DAAM1: variants seen among roughly 807,000 people sequenced by gnomAD.
The protein encoded by DAAM1 is disheveled-associated activator of morphogenesis 1.
In DAAM1, 52 loss-of-function variants were observed where a neutral mutation model predicts 130.0. The observed-to-expected ratio is 0.40, with a 90% CI of 0.32 to 0.50. The LOEUF is 0.50. Ranked by LOEUF, DAAM1 falls within the 20% of genes least tolerant of loss-of-function variation. DAAM1 has a pLI of 0.61. For missense variants in DAAM1, 1,134 were observed against 1,303.8 expected, an observed-to-expected ratio of 0.87 and a Z score of 2.01; for synonymous variants, 452 against 444.5, an observed-to-expected ratio of 1.02 and a Z score of -0.21.
At chr14:59,310,813 C>T (rs1274652339) in intron 3 of DAAM1, among the ~76,000 whole-genome samples, 1 of 152,158 alleles carries the variant, frequency 6.6e-6, no homozygotes, top group Non-Finnish European at 1.5e-5. Flanking sequence ...CGTAACAGCA[C>T]ACATAGAGAT....
chr14:59,349,606 G>A (rs1886210549), intron 17 of DAAM1, among the ~76,000 whole-genome samples: 1 of 152,224 alleles, frequency 6.6e-6, no homozygotes, highest in African/African-American at 2.4e-5. Context: ...TCCGATTTAG[G>A]ATGTGCCTGG....
chr14:59,263,665 G>A lies in DAAM1; in HGVS notation c.183+5G>A. The A allele has an allele frequency of 6.2e-7, 1 of 1,613,792 alleles. No homozygotes were observed. The highest frequency in any genetic ancestry group is 1.7e-5 in the Admixed American group (1 of 59,982). ...GTCATGTTCAGTGAACTGGTGGTGA[G>A]TCCCAGTTTTCTATCCTGGCATTGG... On this transcript the variant is annotated splice_donor_5th_base_variant and intron_variant, in intron 2 of 24. Coordinates refer to ENST00000360909, the MANE Select transcript of DAAM1 (RefSeq NM_001270520.2).
Position 59,315,333 on chromosome 14 carries a change from G to A in DAAM1, c.327G>A (p.Gln109=). ...ATSWPEFYID[Q]LNSMAARKSL... ...GTTGGCCTGAATTCTACATTGATCA[G>A]CTCAATTCCATGGCTGCTGTAAGTA... The change falls in exon 4 of 25, where the codon CAG becomes CAA. Residue 109 remains glutamine, a synonymous_variant. Transcript: ENST00000360909. The A allele has an allele frequency of 6.2e-7, 1 of 1,613,950 alleles. No individual in the cohort carries two copies. Among genetic ancestry groups the A allele is most frequent in the Non-Finnish European group, 8.5e-7 (1 of 1,179,932 alleles).
intron 3 of DAAM1, among the ~76,000 whole-genome samples, chr14:59,305,909 A>C (rs934211156): frequency 5.9e-5 from 9 of 152,242 alleles, no homozygotes; most frequent in Non-Finnish European, 4.4e-5. Flanking sequence ...AGTTTGTGAT[A>C]TATGGAAAAT....
At chr14:59,211,248 C>T (rs1194134170) in intron 1 of DAAM1, among the ~76,000 whole-genome samples, 2 of 152,170 alleles carry the variant, frequency 1.3e-5, no homozygotes, top group Non-Finnish European at 2.9e-5. Flanking sequence ...TGTTTCCCAG[C>T]ACACTTTAGA....
chr14:59,341,354 A>G (rs534880056), intron 16 of DAAM1, among the ~76,000 whole-genome samples: 2 of 152,322 alleles, frequency 1.3e-5, no homozygotes, highest in Admixed American at 1.3e-4. Context: ...TCAGGAAGCC[A>G]CCACTTAAAA....
chr14:59,314,893 C>T (rs1404303230), intron 3 of DAAM1, among the ~76,000 whole-genome samples: 1 of 152,194 alleles, frequency 6.6e-6, no homozygotes, highest in Non-Finnish European at 1.5e-5. Context: ...CTGGCTGAAT[C>T]CTATGGTCAC....
intron 1 of DAAM1, among the ~76,000 whole-genome samples, chr14:59,251,241 T>C (rs1367330754): frequency 6.6e-6 from 1 of 152,246 alleles, no homozygotes; most frequent in Non-Finnish European, 1.5e-5. Flanking sequence ...TGAATGTATC[T>C]GCAGGTCAAA....
At chr14:59,217,648 G>C (rs1173535967) in intron 1 of DAAM1, among the ~76,000 whole-genome samples, 2 of 151,812 alleles carry the variant, frequency 1.3e-5, no homozygotes, top group Non-Finnish European at 2.9e-5. Flanking sequence ...GCCAACCTGG[G>C]CAAAATAGTG....
chr14:59,224,030 T>C (rs1019735989), intron 1 of DAAM1, among the ~76,000 whole-genome samples: 2 of 152,196 alleles, frequency 1.3e-5, no homozygotes, highest in African/African-American at 2.4e-5. Context: ...CACTAAATTA[T>C]GATGTGGGGC....
In DAAM1 at chr14:59,223,208, A is replaced by G. The variant is rs8004083; in HGVS notation, c.-38+34440A>G. On this transcript the variant is annotated intron_variant, in intron 1 of 24. Transcript: ENST00000360909. ...CATTTAACTTACTTGTGCCTTCAGG[A>G]TCTGCTTTCGCCTGATCGTGTATAT... is the stretch of plus-strand genomic sequence containing the variant. 9.1e-3 allele frequency among the ~76,000 whole-genome samples: 1,393 copies of G among 152,334 alleles called. 24 individuals carry two copies. The highest frequency in any genetic ancestry group is 0.032 in the African/African-American group (1,330 of 41,574).
chr14:59,252,052 TTTCAAC>T (rs1318443598), intron 1 of DAAM1, among the ~76,000 whole-genome samples: 11 of 152,200 alleles, frequency 7.2e-5, no homozygotes, highest in Non-Finnish European at 5.9e-5. Context: ...ACACTGTAAT[TTTCAAC>T]TCAGGACTCA....
At chr14:59,302,902 C>T (rs547554672) in intron 3 of DAAM1, among the ~76,000 whole-genome samples, 1 of 152,308 alleles carries the variant, frequency 6.6e-6, no homozygotes, top group Admixed American at 6.5e-5. Context: ...GATCTACCCG[C>T]CTTGGCCTCC....
rs561755855 is a variant in DAAM1, at chr14:59,341,006, T to A, written c.2075+826T>A. 1.3e-3 allele frequency among the ~76,000 whole-genome samples: 203 copies of A among 152,338 alleles called. 1 individual carries two copies. Among genetic ancestry groups the A allele is most frequent in the African/African-American group, 4.7e-3 (197 of 41,580 alleles). On this transcript the variant is annotated intron_variant, in intron 16 of 24. Coordinates refer to ENST00000360909, the MANE Select transcript of DAAM1 (RefSeq NM_001270520.2). ...AGGCTGGTATAAGGTGACTTCTTTT[T>A]CAGGGACTATGAAGAGAGGGAAAGT...
chr14:59,348,350 C>A (rs1886160371), intron 17 of DAAM1, among the ~76,000 whole-genome samples: 1 of 145,216 alleles, frequency 6.9e-6, no homozygotes, highest in Non-Finnish European at 1.6e-5. Context: ...GGCTGTTTGG[C>A]ATCTTTGTCT....
At chr14:59,309,627 C>T (rs1208808221) in intron 3 of DAAM1, among the ~76,000 whole-genome samples, 1 of 152,214 alleles carries the variant, frequency 6.6e-6, no homozygotes, top group Non-Finnish European at 1.5e-5. Flanking sequence ...TCTTACTACA[C>T]AACAGCAGAG....
chr14:59,299,129 A>G (rs1459681934), intron 3 of DAAM1, among the ~76,000 whole-genome samples: 1 of 152,228 alleles, frequency 6.6e-6, no homozygotes, highest in African/African-American at 2.4e-5. Flanking sequence ...AAGCCTTTCA[A>G]TCTAGGTATC....
At chr14:59,346,594 C>G (rs2139659891) in intron 16 of DAAM1, among the ~76,000 whole-genome samples, 1 of 152,034 alleles carries the variant, frequency 6.6e-6, no homozygotes, top group African/African-American at 2.4e-5. Flanking sequence ...TAGTGAGACC[C>G]CATTTCCATC....
At chr14:59,242,971 G>A (rs1172874475) in intron 1 of DAAM1, among the ~76,000 whole-genome samples, 1 of 152,152 alleles carries the variant, frequency 6.6e-6, no homozygotes, top group Non-Finnish European at 1.5e-5. Flanking sequence ...ACGAATCCTT[G>A]AAGTTCAAAG....
Sources: gnomAD v4.1 joint callset for allele counts (sites outside exome capture counted in the v4.1 genomes callset) on GRCh38, gnomAD v4.1.1 for gene constraint, MANE v1.5 for transcripts, NCBI Gene and HGNC (gene_info 2026-07-23, HGNC 2026-07-21) for gene names.